AUTS2: variants seen among roughly 807,000 people sequenced by gnomAD.
AUTS2 encodes autism susceptibility gene 2 protein.
A neutral mutation model predicts 112.4 loss-of-function variants in AUTS2; 17 were observed. The ratio of observed to expected loss-of-function variants is 0.15; its 90% CI spans 0.10 to 0.23. The LOEUF (loss-of-function observed/expected upper bound fraction) is 0.23, where lower values mean the gene tolerates loss of function less well. Ranked by LOEUF, AUTS2 falls within the 10% of genes least tolerant of loss-of-function variation. The probability of loss-of-function intolerance (pLI) is 1.00; values close to 1 mark genes in which losing one functional copy is unlikely to be tolerated. For synonymous variants in AUTS2, 751 were observed against 702.7 expected, an observed-to-expected ratio of 1.07 and a Z score of -1.09; for missense variants, 1,510 against 1,701.6, an observed-to-expected ratio of 0.89 and a Z score of 1.98.
intron 6 of AUTS2, among the ~76,000 whole-genome samples, chr7:70,750,576 T>C (rs1788753540): frequency 6.6e-6 from 1 of 151,310 alleles, no homozygotes; most frequent in African/African-American, 2.4e-5. Context: ...AACTTTTGTA[T>C]TTTTTTGTAG....
intron 1 of AUTS2, among the ~76,000 whole-genome samples, chr7:69,724,114 G>C (rs1310350438): frequency 6.6e-6 from 1 of 152,178 alleles, no homozygotes; most frequent in Non-Finnish European, 1.5e-5. Flanking sequence ...ACCGAACTGG[G>C]AGAGAGTCAG....
intron 6 of AUTS2, among the ~76,000 whole-genome samples, chr7:70,724,687 C>T (rs749321069): frequency 2.3e-4 from 35 of 151,976 alleles, no homozygotes; most frequent in Middle Eastern, 6.4e-3. Flanking sequence ...CCTCGTGGTC[C>T]GCTTGCCTCG....
At chr7:70,771,814 A>T (rs1349085702) in intron 11 of AUTS2, among the ~76,000 whole-genome samples, 170 bp downstream of exon 11, 2 of 152,162 alleles carry the variant, frequency 1.3e-5, no homozygotes. Flanking sequence ...AAGTCCATCT[A>T]GTTTTAAATG....
intron 6 of AUTS2, among the ~76,000 whole-genome samples, chr7:70,716,360 A>G (rs1312233338): frequency 2.0e-5 from 3 of 152,184 alleles, no homozygotes; most frequent in Admixed American, 1.3e-4. Context: ...AAGGCCGGGC[A>G]CAGTGGCTCA....
At chr7:69,700,109 C>T (rs1418331350) in intron 1 of AUTS2, among the ~76,000 whole-genome samples, 2 of 152,072 alleles carry the variant, frequency 1.3e-5, no homozygotes, top group East Asian at 1.9e-4. Context: ...GAGATTTCCC[C>T]GCAGTCTTGT....
At chr7:69,626,997 T>C (rs985177481) in intron 1 of AUTS2, among the ~76,000 whole-genome samples, 16 of 152,376 alleles carry the variant, frequency 1.1e-4, no homozygotes, top group Admixed American at 3.9e-4. Context: ...TGCAGGTTAA[T>C]ATTAAAGTGC....
At chr7:70,170,099 A>C (rs1808590900) in intron 4 of AUTS2, among the ~76,000 whole-genome samples, 1 of 151,992 alleles carries the variant, frequency 6.6e-6, no homozygotes, top group East Asian at 1.9e-4. Context: ...TAAAAAAAAA[A>C]ACTCACAAAA....
intron 2 of AUTS2, among the ~76,000 whole-genome samples, chr7:69,988,975 A>G (rs535727149): frequency 1.3e-5 from 2 of 152,314 alleles, no homozygotes; most frequent in South Asian, 4.1e-4. Flanking sequence ...GGCAGGAAAA[A>G]AGAAAGACAA....
intron 4 of AUTS2, among the ~76,000 whole-genome samples, chr7:70,397,259 T>C (rs1240562635): frequency 6.6e-6 from 1 of 152,056 alleles, no homozygotes; most frequent in Non-Finnish European, 1.5e-5. Context: ...GAAACAGGGT[T>C]TCACCATGTT....
intron 5 of AUTS2, among the ~76,000 whole-genome samples, chr7:70,516,513 T>G (rs1408609897): frequency 6.6e-6 from 1 of 152,218 alleles, no homozygotes; most frequent in African/African-American, 2.4e-5. Flanking sequence ...CATTGGAGTC[T>G]GAGCCAAGCA....
chr7:69,883,863 A>C (rs1794161307), intron 1 of AUTS2, among the ~76,000 whole-genome samples: 1 of 152,176 alleles, frequency 6.6e-6, no homozygotes, highest in Admixed American at 6.5e-5. Flanking sequence ...TCCTCTACCG[A>C]TTACAAATAT....
At chr7:70,332,026 C>G (rs1249723498) in intron 4 of AUTS2, among the ~76,000 whole-genome samples, 1 of 152,148 alleles carries the variant, frequency 6.6e-6, no homozygotes, top group African/African-American at 2.4e-5. Context: ...CAAATTGTCT[C>G]TTTTTGCAGA....
At chr7:70,003,297 A>G (rs1321092182) in intron 2 of AUTS2, among the ~76,000 whole-genome samples, 1 of 132,294 alleles carries the variant, frequency 7.6e-6, no homozygotes, top group East Asian at 2.2e-4. Flanking sequence ...ATTATATATG[A>G]ATATATTATA....
chr7:70,084,879 A>G (rs1293267326), intron 2 of AUTS2, among the ~76,000 whole-genome samples: 1 of 151,770 alleles, frequency 6.6e-6, no homozygotes, highest in African/African-American at 2.4e-5. Context: ...TTTAATTTTT[A>G]TTTAATTTTT....
At chr7:70,019,294 G>A (rs1428326585) in intron 2 of AUTS2, among the ~76,000 whole-genome samples, 12 of 152,010 alleles carry the variant, frequency 7.9e-5, no homozygotes, top group Admixed American at 7.9e-4. Flanking sequence ...AAGAGGTTCT[G>A]GAAAAATAAC....
At chr7:70,159,696 A>G (rs71549346) in intron 4 of AUTS2, among the ~76,000 whole-genome samples, 14 of 152,210 alleles carry the variant, frequency 9.2e-5, no homozygotes, top group African/African-American at 3.4e-4. Context: ...ATAATCTTCT[A>G]ACTATACAGA....
At position 69,727,490 on chromosome 7, in the gene AUTS2, C is replaced by T. The variant is rs969133490; in HGVS notation, c.309+127528C>T. On this transcript the variant is annotated intron_variant, in intron 1 of 18. Coordinates refer to ENST00000342771, the MANE Select transcript of AUTS2 (RefSeq NM_015570.4). ...CTGTAATCCCAGCTACATGGGAGGC[C>T]GAGGCAGGAGAATAGCTTGAACCTG... Among the ~76,000 whole-genome samples, 15 of 151,932 alleles carry T rather than the reference C, an allele frequency of 9.9e-5. No homozygotes were observed. In the East Asian group the frequency reaches 1.9e-3, roughly 20 times the overall value.
At chr7:70,593,646 A>T (rs1803056909) in intron 5 of AUTS2, among the ~76,000 whole-genome samples, 1 of 152,220 alleles carries the variant, frequency 6.6e-6, no homozygotes, top group Non-Finnish European at 1.5e-5. Flanking sequence ...CTATATATTT[A>T]TAGTGCTTTA....
intron 2 of AUTS2, among the ~76,000 whole-genome samples, chr7:70,085,200 T>C (rs1482297103): frequency 6.6e-6 from 1 of 152,150 alleles, no homozygotes; most frequent in Non-Finnish European, 1.5e-5. Flanking sequence ...GTCATCCTTT[T>C]GGTGTCATAT....
Sources: gnomAD v4.1 joint callset for allele counts (sites outside exome capture counted in the v4.1 genomes callset) on GRCh38, gnomAD v4.1.1 for gene constraint, MANE v1.5 for transcripts, NCBI Gene and HGNC (gene_info 2026-07-23, HGNC 2026-07-21) for gene names.